Variants in SKIL observed in about 807,000 individuals in gnomAD.
SKIL encodes the protein SKI like proto-oncogene, also known as ski-like protein.
A neutral mutation model predicts 69.6 loss-of-function variants in SKIL; 20 were observed. The ratio of observed to expected loss-of-function variants is 0.29; its 90% CI spans 0.20 to 0.42. The LOEUF is 0.42. Ranked by LOEUF, SKIL falls within the 10% of genes least tolerant of loss-of-function variation. SKIL has a pLI of 1.00. For missense variants in SKIL, 745 were observed against 783.1 expected (o/e 0.95, Z 0.58); for synonymous variants, 310 against 279.9 (o/e 1.11, Z -1.08).
At chr3:170,385,936 G>T (rs747212372) in intron 4 of SKIL, among the ~76,000 whole-genome samples, 14 of 151,674 alleles carry the variant, frequency 9.2e-5, no homozygotes, top group Non-Finnish European at 1.5e-4. Context: ...GAGATTACAG[G>T]CATGCACCAC....
chr3:170,377,551 T>G (rs1577428661), intron 2 of SKIL, among the ~76,000 whole-genome samples: 1 of 127,834 alleles, frequency 7.8e-6, no homozygotes. Flanking sequence ...TCTTTTTTTT[T>G]TTTTTTTTTT....
intron 2 of SKIL, among the ~76,000 whole-genome samples, chr3:170,374,012 G>T (rs2108205122): frequency 1.3e-5 from 2 of 152,272 alleles, no homozygotes; most frequent in East Asian, 3.9e-4. Flanking sequence ...TTTTGTAAAT[G>T]AAATCAAGCT....
In SKIL at chr3:170,390,321, G is replaced by A. The variant is rs1283092350; in HGVS notation, c.1528G>A (p.Ala510Thr). Reference sequence around the variant, plus strand: ...AAACAAAGTGGGAATTGGCCTTGTTGCTGCCGCTTCATCTCCGCTTCTTGT... The same window carrying A: ...AAACAAAGTGGGAATTGGCCTTGTTACTGCCGCTTCATCTCCGCTTCTTGT... ...DINKVGIGLV[A>T]AASSPLLVKD... The change falls in exon 5 of 7, where the codon GCT (alanine) becomes ACT (threonine). Residue 510 changes from alanine to threonine, a missense_variant. By Grantham distance (58) the Ala-to-Thr change is moderately conservative (BLOSUM62 0). Coordinates refer to ENST00000259119, the MANE Select transcript of SKIL (RefSeq NM_005414.5). The A allele has an allele frequency of 1.2e-6, 2 of 1,613,928 alleles. No individual in the cohort carries two copies. The highest frequency in any genetic ancestry group is 1.7e-6 in the Non-Finnish European group (2 of 1,179,962).
At position 170,390,450 on chromosome 3, in the gene SKIL, C is replaced by T; in HGVS notation, c.1657C>T (p.Gln553Ter). ...EKLNLILQKK[Q>*]QLQMEVKMLS... ...ACTAAACTTGATTTTGCAAAAGAAG[C>T]AACAACTTCAGATGGTAAAATTGTT... Residue 553 changes from glutamine to a stop codon, truncating the protein, a stop_gained, in exon 5 of 7, where the codon CAA becomes TAA. Transcript: ENST00000259119. LOFTEE classifies it high-confidence loss of function. The T allele has an allele frequency of 6.2e-7, 1 of 1,608,768 alleles. No individual in the cohort carries two copies. The highest frequency in any genetic ancestry group is 8.5e-7 in the Non-Finnish European group (1 of 1,175,420).
At chr3:170,388,677 G>A (rs778850028) in intron 4 of SKIL, among the ~76,000 whole-genome samples, 2 of 151,978 alleles carry the variant, frequency 1.3e-5, no homozygotes, top group Non-Finnish European at 2.9e-5. Context: ...CAATCCACCT[G>A]CCTCAGCCTC....
chr3:170,372,248 A>AG (rs1438007639), intron 2 of SKIL, among the ~76,000 whole-genome samples: 1 of 152,212 alleles, frequency 6.6e-6, no homozygotes, highest in Non-Finnish European at 1.5e-5. Flanking sequence ...AGGACTCAAA[A>AG]TAATAGTTGC....
intron 6 of SKIL, among the ~76,000 whole-genome samples, chr3:170,391,546 C>G (rs1274582548): frequency 6.6e-6 from 1 of 152,008 alleles, no homozygotes; most frequent in Non-Finnish European, 1.5e-5. Context: ...GTCTTGAACT[C>G]CTGACCTCAT....
chr3:170,366,718 C>A (rs1335025943), intron 2 of SKIL, among the ~76,000 whole-genome samples: 1 of 151,634 alleles, frequency 6.6e-6, no homozygotes, highest in Non-Finnish European at 1.5e-5. Flanking sequence ...CACACACATA[C>A]TTGATTTTAG....
intron 2 of SKIL, among the ~76,000 whole-genome samples, chr3:170,368,718 A>G (rs1212483940): frequency 3.9e-5 from 6 of 152,204 alleles, no homozygotes; most frequent in Non-Finnish European, 8.8e-5. Flanking sequence ...TATCTCATTT[A>G]TAGTTTTTTT....
Position 170,361,126 on chromosome 3 carries a change from G to A in SKIL, c.795G>A (p.Glu265=), listed in dbSNP as rs1736210427. 1.9e-6 allele frequency: 3 copies of A among 1,614,214 alleles called. No homozygotes were observed. The highest frequency in any genetic ancestry group is 1.1e-5 in the South Asian group (1 of 91,086). Residue 265 remains glutamate (E), a synonymous_variant, in exon 2 of 7, where the codon GAG becomes GAA. Coordinates refer to ENST00000259119, the MANE Select transcript of SKIL (RefSeq NM_005414.5). ...LKETGSAFEV[E]HECLGKCQGL... ...AAACTGGCAGTGCCTTTGAAGTGGA[G>A]CATGAATGCCTAGGCAAATGTCAGG...
At chr3:170,389,175 G>C (rs546108445) in intron 4 of SKIL, among the ~76,000 whole-genome samples, 2 of 151,320 alleles carry the variant, frequency 1.3e-5, no homozygotes, top group Admixed American at 1.3e-4. Context: ...ATCCAGCCAA[G>C]AAATTTATGT....
At position 170,360,322 on chromosome 3, in the gene SKIL, A is replaced by G; in HGVS notation, c.-10A>G. 6.5e-7 allele frequency: 1 copy of G among 1,538,650 alleles called. No individual in the cohort carries two copies. Among genetic ancestry groups the G allele is most frequent in the Non-Finnish European group, 8.7e-7 (1 of 1,148,544 alleles). On this transcript the variant is annotated 5_prime_UTR_variant, in exon 2 of 7. Coordinates refer to ENST00000259119, the MANE Select transcript of SKIL (RefSeq NM_005414.5). ...ATCTCAGACTTAATTATTTAACAGA[A>G]GAGTGTACCATGGAAAACCTCCAGA... is the stretch of plus-strand genomic sequence containing the variant.
chr3:170,368,561 G>A (rs1736652204), intron 2 of SKIL, among the ~76,000 whole-genome samples: 1 of 152,204 alleles, frequency 6.6e-6, no homozygotes, highest in African/African-American at 2.4e-5. Flanking sequence ...CATTTTGGAA[G>A]TTAAGAGCCT....
chr3:170,361,909 T>G (rs11917254), intron 2 of SKIL, among the ~76,000 whole-genome samples: 3,461 of 152,274 alleles, frequency 0.023, 109 homozygotes, highest in African/African-American at 0.063. Context: ...TTATCCTCTT[T>G]GGCACACATC....
At position 170,384,967 on chromosome 3, in the gene SKIL, C is replaced by G. The variant is rs1170801534; in HGVS notation, c.1429+202C>G. Reference sequence around the variant, plus strand: ...TCTAGCGTGGTGATAGCTCAGGAGACTGAGATAGATACAGGCTACCTGGCC... The same window carrying G: ...TCTAGCGTGGTGATAGCTCAGGAGAGTGAGATAGATACAGGCTACCTGGCC... On this transcript the variant is annotated intron_variant, in intron 4 of 6. Coordinates refer to ENST00000259119, the MANE Select transcript of SKIL (RefSeq NM_005414.5). The G allele has an allele frequency of 2.7e-5, 11 of 412,946 alleles. No homozygotes were observed. The South Asian group carries it at 4.3e-4, about 16-fold the overall frequency. The allele number at this position is 412,946 out of a possible 1,614,324, so 25.6% of individuals were successfully genotyped here. A position where few individuals can be genotyped will look rare whatever the true frequency, so the allele number is the denominator to read the frequency against.
At chr3:170,390,602 T>A in intron 5 of SKIL, 138 bp downstream of exon 5, 3 of 680,094 alleles carry the variant, frequency 4.4e-6, no homozygotes, top group Non-Finnish European at 7.5e-6. Context: ...TTCTTCTGCC[T>A]TAGCCTTCCG....
intron 2 of SKIL, among the ~76,000 whole-genome samples, chr3:170,361,665 A>G (rs1412250115): frequency 6.6e-6 from 1 of 152,222 alleles, no homozygotes; most frequent in Non-Finnish European, 1.5e-5. Flanking sequence ...CGTTTTACAG[A>G]TAAAGTGAAT....
intron 6 of SKIL, 29 bp downstream of exon 6, chr3:170,391,289 C>A: frequency 1.6e-6 from 2 of 1,252,960 alleles, no homozygotes; most frequent in South Asian, 1.3e-5. Context: ...ATAATGGTGC[C>A]CTTTCAGCAT....
At chr3:170,364,540 C>T (rs1736410305) in intron 2 of SKIL, among the ~76,000 whole-genome samples, 1 of 150,990 alleles carries the variant, frequency 6.6e-6, no homozygotes. Context: ...GCCGGCTGGT[C>T]TTAACTCCTG....
Sources: gnomAD v4.1 joint callset for allele counts (sites outside exome capture counted in the v4.1 genomes callset) on GRCh38, gnomAD v4.1.1 for gene constraint, MANE v1.5 for transcripts, NCBI Gene and HGNC (gene_info 2026-07-23, HGNC 2026-07-21) for gene names.